IGFBP7: variants seen among roughly 807,000 people sequenced by gnomAD.
IGFBP7 encodes insulin like growth factor binding protein 7.
In IGFBP7, 31 loss-of-function variants were observed where a neutral mutation model predicts 29.4. The observed-to-expected ratio is 1.05, with a 90% CI of 0.79 to 1.42. The LOEUF (loss-of-function observed/expected upper bound fraction) is 1.42. Among genes scored for constraint, IGFBP7 ranks in the 40% most tolerant of loss-of-function variants. The pLI is 0.00. For synonymous variants in IGFBP7, 172 were observed against 174.9 expected, an observed-to-expected ratio of 0.98 and a Z score of 0.13; for missense variants, 393 against 395.5, an observed-to-expected ratio of 0.99 and a Z score of 0.05.
chr4:57,094,142 G>A (rs958151725), intron 1 of IGFBP7, among the ~76,000 whole-genome samples: 4 of 152,128 alleles, frequency 2.6e-5, no homozygotes, highest in Non-Finnish European at 5.9e-5. Flanking sequence ...AGCAGGGGCA[G>A]TCTTTCTCCT....
At chr4:57,061,926 G>T (rs952029386) in intron 1 of IGFBP7, among the ~76,000 whole-genome samples, 3 of 152,140 alleles carry the variant, frequency 2.0e-5, no homozygotes, top group Non-Finnish European at 4.4e-5. Flanking sequence ...GCCTCCCAAA[G>T]TGCTGGGATT....
chr4:57,110,306 G>A lies in IGFBP7; in HGVS notation c.46C>T (p.Leu16=). ...GAGAGGGGCAGGAGCAGGAGCAGCAGCCCAGCGGCGCCGAGGAGCAGGGCG... is the reference window on the plus strand; with the variant it reads ...GAGAGGGGCAGGAGCAGGAGCAGCAACCCAGCGGCGCCGAGGAGCAGGGCG... The part of the protein sequence containing the change: ...LRALLLGAAG[L]LLLLLPLSSS... Residue 16 remains leucine, a synonymous_variant, in exon 1 of 5, where the codon CTG becomes TTG. Transcript: ENST00000295666. The A allele has an allele frequency of 7.1e-7, 1 of 1,416,710 alleles. No individual in the cohort carries two copies. Among genetic ancestry groups the A allele is most frequent in the Middle Eastern group, 2.5e-4 (1 of 3,936 alleles). 87.8% of individuals were successfully genotyped at this position (1,416,710 alleles called of 1,614,324 possible).
chr4:57,110,199 G>C lies in IGFBP7; in HGVS notation c.153C>G (p.Gly51=). The C allele has an allele frequency of 1.4e-6, 2 of 1,381,340 alleles. No individual in the cohort carries two copies. The highest frequency in any genetic ancestry group is 3.1e-5 in the East Asian group (1 of 32,608). The allele number at this position is 1,381,340 out of a possible 1,614,324, so 85.6% of individuals were successfully genotyped here. A position where few individuals can be genotyped will look rare whatever the true frequency, so the allele number is the denominator to read the frequency against. Residue 51 remains glycine, a synonymous_variant, in exon 1 of 5, where the codon GGC becomes GGG. Transcript: ENST00000295666. ...AGCAGCCGCACGCGTCGCGGGTCTCGCCCAGCAGGCAGCCCAGCGGGGGCA... is the reference window on the plus strand; with the variant it reads ...AGCAGCCGCACGCGTCGCGGGTCTCCCCCAGCAGGCAGCCCAGCGGGGGCA... ...PPLPPLGCLL[G]ETRDACGCCP...
chr4:57,057,408 T>C (rs1052117962), intron 1 of IGFBP7, among the ~76,000 whole-genome samples: 1 of 152,232 alleles, frequency 6.6e-6, no homozygotes. Flanking sequence ...TGGGGCTTAT[T>C]GTAGAACTTC....
chr4:57,070,878 A>T lies in IGFBP7; in HGVS notation c.476-29945T>A, dbSNP rs79468831. Among the ~76,000 whole-genome samples the T allele has an allele frequency of 6.7e-4, 102 of 152,380 alleles. 1 individual carries two copies. The East Asian group carries it at 0.018, about 26-fold the overall frequency. ...ACAAATGTGTTCAAGCTTGTGGATCAGTGTTGAATGCTGTAACACACACAT... is the reference window on the plus strand; with the variant it reads ...ACAAATGTGTTCAAGCTTGTGGATCTGTGTTGAATGCTGTAACACACACAT... On this transcript the variant is annotated intron_variant, in intron 1 of 4. Transcript: ENST00000295666.
chr4:57,038,381 A>C (rs1407658702), intron 2 of IGFBP7, among the ~76,000 whole-genome samples: 1 of 152,208 alleles, frequency 6.6e-6, no homozygotes, highest in Non-Finnish European at 1.5e-5. Flanking sequence ...GTATATTGAG[A>C]GCAAAGAGTC....
intron 2 of IGFBP7, among the ~76,000 whole-genome samples, chr4:57,038,927 G>A (rs1223472876): frequency 6.6e-6 from 1 of 151,996 alleles, no homozygotes; most frequent in African/African-American, 2.4e-5. Flanking sequence ...TTAGCCAGGC[G>A]TGGTGGCGGG....
intron 1 of IGFBP7, among the ~76,000 whole-genome samples, chr4:57,045,808 C>T (rs994803202): frequency 6.7e-5 from 10 of 149,808 alleles, no homozygotes; most frequent in African/African-American, 2.5e-4. Context: ...TCACTGCAAC[C>T]TCTGCCTCGT....
intron 1 of IGFBP7, among the ~76,000 whole-genome samples, chr4:57,103,650 T>C (rs1414903388): frequency 6.0e-5 from 5 of 83,894 alleles, no homozygotes; most frequent in Admixed American, 3.2e-4. Flanking sequence ...TTCTTTTTTT[T>C]TTTTCTTTTC....
At position 57,058,799 on chromosome 4, in the gene IGFBP7, G is replaced by A. The variant is rs148636249; in HGVS notation, c.476-17866C>T. On this transcript the variant is annotated intron_variant, in intron 1 of 4. Transcript: ENST00000295666. The stretch of plus-strand genomic sequence containing the variant: ...TGCACAGCAAAAGAAACTATCAACA[G>A]GGTATACAGACAACCTACAGAATAG... Among the ~76,000 whole-genome samples, 191 of 152,274 alleles carry A rather than the reference G, an allele frequency of 1.3e-3. No homozygotes were observed. In the East Asian group the frequency reaches 0.031, roughly 25 times the overall value.
intron 1 of IGFBP7, among the ~76,000 whole-genome samples, chr4:57,075,439 T>C (rs549224639): frequency 1.7e-5 from 1 of 59,106 alleles, no homozygotes; most frequent in African/African-American, 5.1e-5. Context: ...TTAAAATAAA[T>C]CCTGGCCCCT....
intron 1 of IGFBP7, among the ~76,000 whole-genome samples, chr4:57,099,410 C>T (rs1344021284): frequency 1.3e-5 from 2 of 152,104 alleles, no homozygotes; most frequent in African/African-American, 2.4e-5. Flanking sequence ...TTCCTTAGAC[C>T]ATAGCTTAGA....
intron 2 of IGFBP7, among the ~76,000 whole-genome samples, chr4:57,038,973 G>C (rs1724152383): frequency 6.8e-6 from 1 of 146,332 alleles, no homozygotes; most frequent in Admixed American, 7.2e-5. Context: ...GACTGAGGCA[G>C]AAGAATCACT....
At chr4:57,049,589 G>A (rs902277240) in intron 1 of IGFBP7, among the ~76,000 whole-genome samples, 3 of 152,032 alleles carry the variant, frequency 2.0e-5, no homozygotes, top group Admixed American at 6.6e-5. Flanking sequence ...ATTTCTCTTT[G>A]ACATTTTTTG....
At chr4:57,057,354 C>T (rs1399325274) in intron 1 of IGFBP7, among the ~76,000 whole-genome samples, 1 of 152,192 alleles carries the variant, frequency 6.6e-6, no homozygotes, top group African/African-American at 2.4e-5. Flanking sequence ...TTTACAAGGA[C>T]TGGGAGAAAC....
intron 1 of IGFBP7, among the ~76,000 whole-genome samples, chr4:57,045,413 A>C (rs1338306264): frequency 6.6e-6 from 1 of 152,240 alleles, no homozygotes. Flanking sequence ...AACAATACGT[A>C]AACTGGAAAG....
chr4:57,083,117 A>C (rs1415551262), intron 1 of IGFBP7, among the ~76,000 whole-genome samples: 1 of 152,246 alleles, frequency 6.6e-6, no homozygotes, highest in African/African-American at 2.4e-5. Context: ...AATATTCTTA[A>C]TACTTATGTC....
chr4:57,069,431 TA>T (rs1725001856), intron 1 of IGFBP7, among the ~76,000 whole-genome samples: 1 of 151,900 alleles, frequency 6.6e-6, no homozygotes, highest in South Asian at 2.1e-4. Flanking sequence ...CTACAAAAAA[TA>T]AAACAAAAAA....
At chr4:57,057,150 C>A (rs1334070118) in intron 1 of IGFBP7, among the ~76,000 whole-genome samples, 1 of 152,166 alleles carries the variant, frequency 6.6e-6, no homozygotes, top group Non-Finnish European at 1.5e-5. Context: ...GGACTACAGG[C>A]ACATACCACC....
Sources: gnomAD v4.1 joint callset for allele counts (sites outside exome capture counted in the v4.1 genomes callset) on GRCh38, gnomAD v4.1.1 for gene constraint, MANE v1.5 for transcripts, NCBI Gene and HGNC (gene_info 2026-07-23, HGNC 2026-07-21) for gene names.